The following CNTNAP2 variants were observed in gnomAD, a reference collection of about 807,000 sequenced individuals.
CNTNAP2 encodes contactin associated protein 2.
A neutral mutation model predicts 155.2 loss-of-function variants in CNTNAP2; 98 were observed. That is an observed-to-expected ratio of 0.63 (90% CI 0.54 to 0.75). CNTNAP2 has a LOEUF of 0.75. Among genes scored for constraint, CNTNAP2 ranks in the 30% least tolerant of loss-of-function variants. CNTNAP2 has a pLI of 0.00. For synonymous variants in CNTNAP2, 651 were observed against 631.2 expected (o/e 1.03, Z -0.47); for missense variants, 1,727 against 1,688.1 (o/e 1.02, Z -0.40).
At chr7:146,801,560 A>G (rs763713863) in intron 2 of CNTNAP2, among the ~76,000 whole-genome samples, 1 of 152,210 alleles carries the variant, frequency 6.6e-6, no homozygotes, top group Non-Finnish European at 1.5e-5. Context: ...ATATATAGAG[A>G]ATTTTCAGGG....
intron 1 of CNTNAP2, among the ~76,000 whole-genome samples, chr7:146,644,680 C>T (rs930121360): frequency 6.6e-6 from 1 of 151,990 alleles, no homozygotes; most frequent in Non-Finnish European, 1.5e-5. Context: ...ATACAAACTA[C>T]CATCAGAGAA....
intron 3 of CNTNAP2, among the ~76,000 whole-genome samples, chr7:146,903,321 C>T (rs963465395): frequency 1.6e-4 from 24 of 152,108 alleles, no homozygotes; most frequent in African/African-American, 5.3e-4. Context: ...ATGCTGAAAA[C>T]TCTCTAATTT....
At chr7:147,936,561 C>G (rs1382449136) in intron 14 of CNTNAP2, among the ~76,000 whole-genome samples, 2 of 152,130 alleles carry the variant, frequency 1.3e-5, no homozygotes, top group Non-Finnish European at 2.9e-5. Flanking sequence ...GTTGGTTTTG[C>G]TTCATTCAAC....
intron 9 of CNTNAP2, among the ~76,000 whole-genome samples, chr7:147,332,585 C>G (rs797012492): frequency 2.6e-5 from 4 of 152,124 alleles, no homozygotes; most frequent in African/African-American, 9.6e-5. Context: ...ATTATCAGGT[C>G]GAGCATGGTG....
intron 1 of CNTNAP2, among the ~76,000 whole-genome samples, chr7:146,646,744 G>A (rs928365456): frequency 8.5e-5 from 13 of 152,208 alleles, no homozygotes; most frequent in African/African-American, 2.6e-4. Context: ...TGAGTCATCA[G>A]TTCTACAAAG....
intron 1 of CNTNAP2, among the ~76,000 whole-genome samples, chr7:146,764,069 C>T (rs1296822121): frequency 6.6e-6 from 1 of 152,112 alleles, no homozygotes; most frequent in Non-Finnish European, 1.5e-5. Context: ...TTCAGTTAAC[C>T]AGTTAATGAA....
chr7:147,409,370 C>T (rs540456402), intron 10 of CNTNAP2, among the ~76,000 whole-genome samples: 1 of 152,184 alleles, frequency 6.6e-6, no homozygotes, highest in African/African-American at 2.4e-5. Flanking sequence ...AAAACTGGAC[C>T]CCTTCCTTAC....
intron 8 of CNTNAP2, among the ~76,000 whole-genome samples, chr7:147,283,952 A>G (rs568383854): frequency 6.6e-6 from 1 of 151,448 alleles, no homozygotes; most frequent in South Asian, 2.1e-4. Context: ...TCTTCCCTTT[A>G]CTAAGATACA....
At chr7:147,306,103 G>A (rs992741424) in intron 9 of CNTNAP2, among the ~76,000 whole-genome samples, 11 of 152,010 alleles carry the variant, frequency 7.2e-5, no homozygotes, top group Admixed American at 7.2e-4. Context: ...TCCCAATAAG[G>A]CCACATTCAT....
chr7:146,303,323 T>A (rs947169999), intron 1 of CNTNAP2, among the ~76,000 whole-genome samples: 3 of 152,070 alleles, frequency 2.0e-5, no homozygotes, highest in African/African-American at 7.2e-5. Context: ...TTATAAGCAA[T>A]TTGCCAGTCT....
At chr7:147,858,700 C>A (rs1048668736) in intron 13 of CNTNAP2, among the ~76,000 whole-genome samples, 1 of 152,044 alleles carries the variant, frequency 6.6e-6, no homozygotes, top group African/African-American at 2.4e-5. Flanking sequence ...GTAGACATAG[C>A]CACACAGGGA....
chr7:147,579,618 C>A (rs1800460441), intron 12 of CNTNAP2, among the ~76,000 whole-genome samples: 1 of 152,064 alleles, frequency 6.6e-6, no homozygotes, highest in Non-Finnish European at 1.5e-5. Flanking sequence ...GCATTGTCTT[C>A]AGAAGTTTCA....
intron 13 of CNTNAP2, among the ~76,000 whole-genome samples, chr7:147,668,994 T>C (rs914888435): frequency 6.6e-6 from 1 of 152,140 alleles, no homozygotes; most frequent in African/African-American, 2.4e-5. Flanking sequence ...TTTACTGTAT[T>C]TTTTCTATGT....
chr7:148,414,421 T>A (rs910580156), intron 23 of CNTNAP2, among the ~76,000 whole-genome samples: 2 of 30,162 alleles, frequency 6.6e-5, no homozygotes, highest in East Asian at 4.9e-4. Context: ...CGTTGTCTCA[T>A]TTTTTTTCCC....
chr7:148,123,708 CAGAG>C (rs1206761609), intron 16 of CNTNAP2, among the ~76,000 whole-genome samples: 3 of 147,294 alleles, frequency 2.0e-5, no homozygotes, highest in Admixed American at 6.7e-5. Flanking sequence ...AAGAGAGAAA[CAGAG>C]AAAGAAAGAA....
At chr7:147,769,081 T>C (rs1358834943) in intron 13 of CNTNAP2, among the ~76,000 whole-genome samples, 2 of 152,100 alleles carry the variant, frequency 1.3e-5, no homozygotes, top group Non-Finnish European at 2.9e-5. Context: ...CTTTTGGAAA[T>C]GAAAATGAAA....
intron 1 of CNTNAP2, among the ~76,000 whole-genome samples, chr7:146,753,636 A>G (rs1449650386): frequency 6.6e-6 from 1 of 152,044 alleles, no homozygotes; most frequent in Non-Finnish European, 1.5e-5. Flanking sequence ...AATTCCTTAG[A>G]AGTTATATAA....
chr7:146,317,537 T>A, intron 1 of CNTNAP2, among the ~76,000 whole-genome samples: 1 of 152,252 alleles, frequency 6.6e-6, no homozygotes. Flanking sequence ...AACTACTGAT[T>A]TCGTCTCAGT....
At chr7:146,164,268 A>G (rs1798277817) in intron 1 of CNTNAP2, among the ~76,000 whole-genome samples, 1 of 151,988 alleles carries the variant, frequency 6.6e-6, no homozygotes, top group South Asian at 2.1e-4. Context: ...CACACACTAA[A>G]AAACAGAATC....
Sources: allele counts gnomAD v4.1 joint callset (sites outside exome capture counted in the v4.1 genomes callset), GRCh38; gene constraint gnomAD v4.1.1; transcripts MANE v1.5; gene names NCBI Gene and HGNC (gene_info 2026-07-23, HGNC 2026-07-21).